Variants in CATSPER4 observed in about 807,000 individuals in gnomAD.
CATSPER4 encodes the protein cation channel sperm-associated protein 4.
A neutral mutation model predicts 54.4 loss-of-function variants in CATSPER4; 46 were observed. The ratio of observed to expected loss-of-function variants is 0.84; its 90% confidence interval spans 0.67 to 1.08. The LOEUF is 1.08. CATSPER4 is among the 50% of genes least tolerant of loss of function. The pLI is 0.00. For missense variants in CATSPER4, 574 were observed against 612.8 expected (o/e 0.94, Z 0.67); for synonymous variants, 230 against 231.9 (o/e 0.99, Z 0.08).
Position 26,190,669 on chromosome 1 carries a change from C to T in CATSPER4, c.42C>T (p.Ser14=). Residue 14 remains serine (S), a synonymous_variant, in exon 1 of 10, where the codon TCC becomes TCT. Coordinates refer to ENST00000456354, the MANE Select transcript of CATSPER4 (RefSeq NM_198137.2). ...AGGCCTGGTGGCAGCAATGGACCTC[C>T]CATACAGGCCTCGAGGGGTGGGGCG... ...NEKAWWQQWT[S]HTGLEGWGGT... is the part of the protein sequence containing the mutation. 6.2e-7 allele frequency: 1 copy of T among 1,609,638 alleles called. No individual in the cohort carries two copies. The highest frequency in any genetic ancestry group is 8.5e-7 in the Non-Finnish European group (1 of 1,179,896).
chr1:26,198,173 T>C lies in CATSPER4; in HGVS notation c.678+96T>C, dbSNP rs542376854. On this transcript the variant is annotated intron_variant, in intron 5 of 9. Coordinates refer to ENST00000456354, the MANE Select transcript of CATSPER4 (RefSeq NM_198137.2). ...GGGTGTCTGGAAAAGCAGAGAGGCCTGTGGGCCTGAATCCCTGTGATTTCC... is the reference window on the plus strand; with the variant it reads ...GGGTGTCTGGAAAAGCAGAGAGGCCCGTGGGCCTGAATCCCTGTGATTTCC... The C allele has an allele frequency of 6.2e-6, 10 of 1,612,562 alleles. No individual in the cohort carries two copies. In the Admixed American group the frequency reaches 8.3e-5, roughly 13 times the overall value.
intron 9 of CATSPER4, 125 bp downstream of exon 9, chr1:26,201,644 C>T: frequency 1.2e-6 from 1 of 827,348 alleles, no homozygotes. Flanking sequence ...CCCTCACCAC[C>T]ACCACCCCTC....
chr1:26,198,450 C>T (rs370162574), intron 6 of CATSPER4, 31 bp downstream of exon 6: 10 of 1,613,386 alleles, frequency 6.2e-6, no homozygotes, highest in Middle Eastern at 1.7e-4. Flanking sequence ...CAGCCTCATC[C>T]CACCTATGGG....
rs547848893 is a variant in CATSPER4, at chr1:26,198,390, C to T, written c.783C>T (p.Asp261=). The T allele has an allele frequency of 2.1e-5, 34 of 1,614,132 alleles. No individual in the cohort carries two copies. Among genetic ancestry groups the T allele is most frequent in the African/African-American group, 1.7e-4 (13 of 75,022 alleles). ...CCCTCTTCATCTGCATCACCCAGGA[C>T]GGCTGGGTGGACATCTACAGTGACT... ...LYTLFICITQ[D]GWVDIYSDFQ... The change falls in exon 6 of 10, where the codon GAC becomes GAT. Residue 261 remains aspartate (D), a synonymous_variant. Coordinates refer to ENST00000456354, the MANE Select transcript of CATSPER4 (RefSeq NM_198137.2).
rs377237727 is a variant in CATSPER4 at position 26,191,421 on chromosome 1, C to T, written c.348C>T (p.Tyr116=). The T allele has an allele frequency of 1.9e-6, 3 of 1,614,190 alleles. No individual in the cohort carries two copies. Among genetic ancestry groups the T allele is most frequent in the Non-Finnish European group, 2.5e-6 (3 of 1,180,042 alleles). The change falls in exon 2 of 10, where the codon TAC becomes TAT. Residue 116 remains tyrosine, a synonymous_variant. Coordinates refer to ENST00000456354, the MANE Select transcript of CATSPER4 (RefSeq NM_198137.2). ...AITIALRTNS[Y]LDQKHYELFS... ...CCATCGCTCTCCGTACCAACTCCTA[C>T]CTGGACCAGGTGGGATGCCAGCATG...
In CATSPER4 at chr1:26,200,052, T is replaced by C. The variant is rs775976054; in HGVS notation, c.981T>C (p.Phe327=). ...AGGGACAACAGCAACGAATAACCTTTAGTGAGGTGCGTGGGATGGGGAGGG... is the reference window on the plus strand; with the variant it reads ...AGGGACAACAGCAACGAATAACCTTCAGTGAGGTGCGTGGGATGGGGAGGG... The part of the protein sequence containing the change: ...GEQGQQQRIT[F]SETGAEEEEE... The change falls in exon 7 of 10, where the codon TTT becomes TTC. Residue 327 remains phenylalanine (F), a synonymous_variant. Transcript: ENST00000456354. 23 of 1,613,034 alleles carry C rather than the reference T, an allele frequency of 1.4e-5. No homozygotes were observed. The South Asian group carries it at 2.5e-4, about 18-fold the overall frequency.
intron 2 of CATSPER4, among the ~76,000 whole-genome samples, 167 bp downstream of exon 2, chr1:26,191,597 T>C (rs1201329584): frequency 6.6e-6 from 1 of 152,154 alleles, no homozygotes; most frequent in Non-Finnish European, 1.5e-5. Flanking sequence ...GAAGACTTCA[T>C]GATGGAGAGG....
At chr1:26,191,564 C>T in intron 2 of CATSPER4, 134 bp downstream of exon 2, 4 of 1,041,100 alleles carry the variant, frequency 3.8e-6, no homozygotes, top group Non-Finnish European at 4.3e-6. Context: ...CAGCTCTGAC[C>T]TTCTAGGAAT....
intron 8 of CATSPER4, 78 bp from the exon 9 acceptor site, chr1:26,201,276 G>C: frequency 6.7e-7 from 1 of 1,483,582 alleles, no homozygotes; most frequent in East Asian, 2.3e-5. Context: ...CGAAGCGGGG[G>C]TGACGCCAGG....
Position 26,190,684 on chromosome 1 carries a change from G to T in CATSPER4, c.57G>T (p.Glu19Asp). 2 of 1,611,656 alleles carry T rather than the reference G, an allele frequency of 1.2e-6. No homozygotes were observed. The highest frequency in any genetic ancestry group is 1.7e-6 in the Non-Finnish European group (2 of 1,179,954). ...AATGGACCTCCCATACAGGCCTCGA[G>T]GGGTGGGGCGGGACTCAGGAGGACC... ...WQQWTSHTGLEGWGGTQEDRM... is the reference protein window; with the variant it reads ...WQQWTSHTGLDGWGGTQEDRM... The change falls in exon 1 of 10, where the codon GAG becomes GAT. Residue 19 changes from glutamate (E) to aspartate (D), a missense_variant. Coordinates refer to ENST00000456354, the MANE Select transcript of CATSPER4 (RefSeq NM_198137.2).
Position 26,198,322 on chromosome 1 carries a change from T to C in CATSPER4, c.715T>C (p.Phe239Leu). 4 of 1,614,208 alleles carry C rather than the reference T, an allele frequency of 2.5e-6. No homozygotes were observed. Among genetic ancestry groups the C allele is most frequent in the South Asian group, 1.1e-5 (1 of 91,086 alleles). ...SVFGVTLFGA[F>L]VPKHFQNIQV... is the part of the protein sequence containing the mutation. ...GTTTGGAGTAACACTCTTTGGTGCA[T>C]TCGTGCCCAAGCATTTCCAGAACAT... The change falls in exon 6 of 10, where the codon TTC becomes CTC. Residue 239 changes from phenylalanine (F) to leucine (L), a missense_variant. By Grantham distance (22) the Phe-to-Leu change is conservative. Transcript: ENST00000456354.
At position 26,191,311 on chromosome 1, in the gene CATSPER4, A is replaced by G. The variant is rs147002798; in HGVS notation, c.238A>G (p.Ile80Val). ...GGACGCCTGGGACATGCAGGAGTTCATCACTCACATGTACATCAAGCAGCT... is the reference window on the plus strand; with the variant it reads ...GGACGCCTGGGACATGCAGGAGTTCGTCACTCACATGTACATCAAGCAGCT... The part of the protein sequence containing the change: ...KADAWDMQEF[I>V]THMYIKQLLR... Residue 80 changes from isoleucine (I) to valine (V), a missense_variant, in exon 2 of 10, where the codon ATC becomes GTC. Transcript: ENST00000456354. 2.1e-4 allele frequency: 334 copies of G among 1,614,146 alleles called. 1 individual carries two copies. Among genetic ancestry groups the G allele is most frequent in the Non-Finnish European group, 2.7e-4 (317 of 1,180,032 alleles).
chr1:26,190,749 G>A lies in CATSPER4; in HGVS notation c.122G>A (p.Arg41His), dbSNP rs376835996. ...GGGGCAGTAGCTGCACTGAGGGGCCGCCCCTCTCCCCTGCAGAGTACCATT... is the reference window on the plus strand; with the variant it reads ...GGGGCAGTAGCTGCACTGAGGGGCCACCCCTCTCCCCTGCAGAGTACCATT... Reference protein sequence around the residue: ...FGGAVAALRGRPSPLQSTIHE... With the variant: ...FGGAVAALRGHPSPLQSTIHE... The change falls in exon 1 of 10, where the codon CGC becomes CAC. Residue 41 changes from arginine (R) to histidine (H), a missense_variant. Physicochemically the swap from Arg to His is conservative, Grantham distance 29. Transcript: ENST00000456354. 25 of 1,613,148 alleles carry A rather than the reference G, an allele frequency of 1.5e-5. No individual in the cohort carries two copies. Among genetic ancestry groups the A allele is most frequent in the Admixed American group, 5.0e-5 (3 of 59,926 alleles).
At chr1:26,199,746 G>T in intron 6 of CATSPER4, 138 bp from the exon 7 acceptor site, 1 of 882,006 alleles carries the variant, frequency 1.1e-6, no homozygotes. Context: ...GACAGGAGTA[G>T]GGAATGGGAT....
intron 2 of CATSPER4, 64 bp from the exon 3 acceptor site, chr1:26,193,723 C>A: frequency 9.6e-7 from 1 of 1,037,182 alleles, no homozygotes. Flanking sequence ...CTCTCCCTGC[C>A]GGCTTGCCCA....
chr1:26,195,597 G>C (rs2088928595), intron 3 of CATSPER4, among the ~76,000 whole-genome samples: 1 of 151,978 alleles, frequency 6.6e-6, no homozygotes, highest in South Asian at 2.1e-4. Flanking sequence ...GCCTCCCCGG[G>C]TTCACACCAT....
chr1:26,198,851 C>T lies in CATSPER4; in HGVS notation c.812+432C>T, dbSNP rs572578180. Among the ~76,000 whole-genome samples the T allele has an allele frequency of 2.6e-5, 4 of 152,318 alleles. No individual in the cohort carries two copies. The South Asian group carries it at 8.3e-4, about 32-fold the overall frequency. ...TTCATTTTTGTGTTCTGTTCTTTAC[C>T]TCTTTTCTATTAAGTCTAAGCCCTA... is the stretch of plus-strand genomic sequence containing the variant. On this transcript the variant is annotated intron_variant, in intron 6 of 9. Coordinates refer to ENST00000456354, the MANE Select transcript of CATSPER4 (RefSeq NM_198137.2).
Position 26,202,877 on chromosome 1 carries a change from G to T in CATSPER4, c.*335G>T. On this transcript the variant is annotated 3_prime_UTR_variant, in exon 10 of 10. Coordinates refer to ENST00000456354, the MANE Select transcript of CATSPER4 (RefSeq NM_198137.2). The stretch of plus-strand genomic sequence containing the variant: ...TGCTCTTGCCCAGAGCTGGTGGGGG[G>T]CCTCAGTGGGCCCCAGAACCAAGAA... 5.0e-6 allele frequency: 2 copies of T among 401,512 alleles called. No homozygotes were observed. The highest frequency in any genetic ancestry group is 9.2e-6 in the Non-Finnish European group (2 of 217,724). 24.9% of individuals were successfully genotyped at this position (401,512 alleles called of 1,614,324 possible).
At chr1:26,196,232 G>A (rs12732367) in intron 3 of CATSPER4, among the ~76,000 whole-genome samples, 38,054 of 139,092 alleles carry the variant, frequency 0.27, 5,663 homozygotes, top group Non-Finnish European at 0.34. Flanking sequence ...ATCCTCTCCC[G>A]CCAGCCTCTC....
Sources: allele counts gnomAD v4.1 joint callset (sites outside exome capture counted in the v4.1 genomes callset), GRCh38; gene constraint gnomAD v4.1.1; transcripts MANE v1.5; gene names NCBI Gene and HGNC (gene_info 2026-07-23, HGNC 2026-07-21).